The following ZBTB20 variants were observed in gnomAD, a reference collection of about 807,000 sequenced individuals.
ZBTB20 encodes the protein zinc finger and BTB domain containing 20, also known as zinc finger and BTB domain-containing protein 20.
In ZBTB20, 9 loss-of-function variants were observed where a neutral mutation model predicts 56.9. The ratio of observed to expected loss-of-function variants is 0.16; its 90% confidence interval spans 0.10 to 0.28. The LOEUF (loss-of-function observed/expected upper bound fraction) is 0.28. ZBTB20 is among the 10% of genes least tolerant of loss of function. The pLI, the probability that ZBTB20 is intolerant of heterozygous loss-of-function variation, is 1.00. For synonymous variants in ZBTB20, 417 were observed against 420.7 expected, an observed-to-expected ratio of 0.99 and a Z score of 0.11; for missense variants, 655 against 1,003.0, an observed-to-expected ratio of 0.65 and a Z score of 4.69.
intron 4 of ZBTB20, among the ~76,000 whole-genome samples, chr3:114,835,697 G>T (rs771975846): frequency 2.0e-5 from 3 of 152,076 alleles, no homozygotes; most frequent in Non-Finnish European, 2.9e-5. Context: ...TTTTCTAGTG[G>T]ACTAGAGAAT....
chr3:114,882,922 A>G (rs1001669029), intron 4 of ZBTB20, among the ~76,000 whole-genome samples: 1 of 152,184 alleles, frequency 6.6e-6, no homozygotes, highest in African/African-American at 2.4e-5. Flanking sequence ...GTGTAATGGT[A>G]AATGGTGAAA....
At chr3:114,347,562 A>G (rs2080298869) in intron 11 of ZBTB20, among the ~76,000 whole-genome samples, 1 of 152,194 alleles carries the variant, frequency 6.6e-6, no homozygotes, top group South Asian at 2.1e-4. Context: ...TAGAAATTGA[A>G]AAGAACTTTG....
intron 4 of ZBTB20, among the ~76,000 whole-genome samples, chr3:114,875,069 A>G (rs970304458): frequency 6.6e-6 from 1 of 151,916 alleles, no homozygotes; most frequent in Non-Finnish European, 1.5e-5. Flanking sequence ...GTCTACTCCT[A>G]TCTTAATAAG....
intron 7 of ZBTB20, among the ~76,000 whole-genome samples, chr3:114,439,940 A>G (rs10934274): frequency 0.26 from 40,184 of 152,126 alleles, 5,887 homozygotes; most frequent in Admixed American, 0.37. Context: ...GCTGCTCTGC[A>G]TAAGGCCATT....
chr3:115,023,906 A>T (rs769596255), intron 2 of ZBTB20, among the ~76,000 whole-genome samples: 14 of 151,296 alleles, frequency 9.3e-5, no homozygotes, highest in Middle Eastern at 3.4e-3. Context: ...ATTCCAACTT[A>T]TATCTCTTTA....
chr3:114,784,054 C>CTATAGAAA (rs2070315974), intron 5 of ZBTB20, among the ~76,000 whole-genome samples: 1 of 152,118 alleles, frequency 6.6e-6, no homozygotes, highest in African/African-American at 2.4e-5. Flanking sequence ...ACCTATAGTC[C>CTATAGAAA]ATAACAAATT....
chr3:115,001,852 C>A (rs1405171008), intron 2 of ZBTB20, among the ~76,000 whole-genome samples: 2 of 151,278 alleles, frequency 1.3e-5, no homozygotes, highest in African/African-American at 2.4e-5. Flanking sequence ...AACATAATCC[C>A]AATCAAAATC....
At chr3:114,950,646 C>A (rs1234264658) in intron 3 of ZBTB20, among the ~76,000 whole-genome samples, 1 of 151,986 alleles carries the variant, frequency 6.6e-6, no homozygotes, top group Non-Finnish European at 1.5e-5. Context: ...ATAAGCACAC[C>A]AGCAATATCA....
intron 6 of ZBTB20, among the ~76,000 whole-genome samples, chr3:114,680,071 T>C (rs2061877840): frequency 6.6e-6 from 1 of 152,072 alleles, no homozygotes. Flanking sequence ...CACTCATACA[T>C]GGGAGCTGAA....
chr3:114,956,236 C>A (rs2077242059), intron 3 of ZBTB20, among the ~76,000 whole-genome samples: 3 of 152,110 alleles, frequency 2.0e-5, no homozygotes, highest in Admixed American at 2.0e-4. Flanking sequence ...TGGGACAACA[C>A]AACAAAAGCA....
intron 1 of ZBTB20, chr3:115,103,169 G>T (rs1484326260): frequency 6.6e-6 from 1 of 152,100 alleles, no homozygotes; most frequent in Non-Finnish European, 1.5e-5. Context: ...CCATACTATG[G>T]AAGTTATAAA....
Position 114,784,467 on chromosome 3 carries a change from C to T in ZBTB20, c.-343+16634G>A, listed in dbSNP as rs145434942. Among the ~76,000 whole-genome samples, 561 of 152,228 alleles carry T rather than the reference C, an allele frequency of 3.7e-3. 3 individuals are homozygous for T. Among genetic ancestry groups the T allele is most frequent in the African/African-American group, 0.013 (535 of 41,544 alleles). ...CCCAGCCACTGATCCACTGCCCAAT[C>T]ATAAAAGAATTGTAATCAGTTCAAG... On this transcript the variant is annotated intron_variant, in intron 5 of 11. Coordinates refer to ENST00000675478, the MANE Select transcript of ZBTB20 (RefSeq NM_001348800.3).
intron 1 of ZBTB20, among the ~76,000 whole-genome samples, chr3:115,146,093 C>G (rs1278439382): frequency 6.6e-6 from 1 of 152,126 alleles, no homozygotes; most frequent in Non-Finnish European, 1.5e-5. Flanking sequence ...ATTCTGAGGA[C>G]AGTACTACAC....
At chr3:115,110,406 C>T (rs1046455951) in intron 1 of ZBTB20, among the ~76,000 whole-genome samples, 10 of 152,054 alleles carry the variant, frequency 6.6e-5, no homozygotes, top group Non-Finnish European at 1.5e-4. Flanking sequence ...AAGCTGTAGG[C>T]TTATAGCCAT....
chr3:114,661,581 T>C (rs942636764), intron 6 of ZBTB20, among the ~76,000 whole-genome samples: 8 of 152,192 alleles, frequency 5.3e-5, no homozygotes, highest in African/African-American at 1.9e-4. Context: ...CCATTTTGGC[T>C]TCTTATCCTC....
intron 7 of ZBTB20, among the ~76,000 whole-genome samples, chr3:114,393,866 T>G (rs1414975051): frequency 2.6e-5 from 4 of 152,138 alleles, no homozygotes; most frequent in Non-Finnish European, 5.9e-5. Flanking sequence ...AGACAGTAGG[T>G]CACTTCTCTA....
At chr3:115,143,130 G>A (rs1474330625) in intron 1 of ZBTB20, among the ~76,000 whole-genome samples, 1 of 152,116 alleles carries the variant, frequency 6.6e-6, no homozygotes, top group Non-Finnish European at 1.5e-5. Context: ...CATTTAACCA[G>A]GTACCAACTT....
intron 5 of ZBTB20, among the ~76,000 whole-genome samples, chr3:114,789,421 A>G (rs2070780182): frequency 6.6e-6 from 1 of 152,132 alleles, no homozygotes; most frequent in African/African-American, 2.4e-5. Flanking sequence ...GTGCAACTAG[A>G]CTCCATCTTT....
intron 11 of ZBTB20, among the ~76,000 whole-genome samples, chr3:114,347,079 T>A (rs2080250296): frequency 1.6e-3 from 1 of 630 alleles, no homozygotes; most frequent in Non-Finnish European, 7.7e-3. Context: ...CTCTTCAGGT[T>A]TTTTTTTTTT....
Sources: gnomAD v4.1 joint callset for allele counts (sites outside exome capture counted in the v4.1 genomes callset) on GRCh38, gnomAD v4.1.1 for gene constraint, MANE v1.5 for transcripts, NCBI Gene and HGNC (gene_info 2026-07-23, HGNC 2026-07-21) for gene names.